ECM1: variants seen among roughly 807,000 people sequenced by gnomAD.
The protein encoded by ECM1 is secretory component p85.
In ECM1, 54 loss-of-function variants were observed where a neutral mutation model predicts 57.9. The ratio of observed to expected loss-of-function variants is 0.93; its 90% confidence interval spans 0.75 to 1.17. The LOEUF (loss-of-function observed/expected upper bound fraction) is 1.17. Among genes scored for constraint, ECM1 ranks in the 50% most tolerant of loss-of-function variants. The pLI is 0.00. For synonymous variants in ECM1, 237 were observed against 259.1 expected (o/e 0.91, Z 0.82); for missense variants, 649 against 688.1 (o/e 0.94, Z 0.64).
Position 150,513,717 on chromosome 1 carries a change from C to T in ECM1, c.*250C>T, listed in dbSNP as rs1348403002. The T allele has an allele frequency of 2.4e-5, 11 of 453,556 alleles. No homozygotes were observed. The highest frequency in any genetic ancestry group is 1.3e-4 in the South Asian group (5 of 39,408). The allele number at this position is 453,556 out of a possible 1,614,324, so 28.1% of individuals were successfully genotyped here. A position where few individuals can be genotyped will look rare whatever the true frequency, so the allele number is the denominator to read the frequency against. On this transcript the variant is annotated 3_prime_UTR_variant, in exon 10 of 10. Coordinates refer to ENST00000369047, the MANE Select transcript of ECM1 (RefSeq NM_004425.4). ...TTCAGTGCCTGGCCCCTGAGGCCCA[C>T]GGCCCTGCCCCCTTCACTGAGCAGA... is the stretch of plus-strand genomic sequence containing the variant.
At chr1:150,513,117 G>T in intron 9 of ECM1, 120 bp from the exon 10 acceptor site, 1 of 1,074,462 alleles carries the variant, frequency 9.3e-7, no homozygotes, top group Non-Finnish European at 1.4e-6. Context: ...GCCCCAGGAG[G>T]GGAACGAGGG....
chr1:150,508,278 A>T lies in ECM1; in HGVS notation c.69A>T (p.Gly23=), dbSNP rs1391426088. Residue 23 remains glycine (G), a splice_region_variant and synonymous_variant, in exon 1 of 10, where the codon GGA becomes GGT. Transcript: ENST00000369047. ...YLAVASAASE[G]GFTATGQRQL... ...CTGTTGCTTCTGCTGCCTCTGAGGGAGGTGAGTTGGGGGATCAGCACTTAG... is the reference window on the plus strand; with the variant it reads ...CTGTTGCTTCTGCTGCCTCTGAGGGTGGTGAGTTGGGGGATCAGCACTTAG... 3 of 1,613,658 alleles carry T rather than the reference A, an allele frequency of 1.9e-6. No individual in the cohort carries two copies. Among genetic ancestry groups the T allele is most frequent in the Non-Finnish European group, 2.5e-6 (3 of 1,179,960 alleles).
chr1:150,509,852 G>A, intron 3 of ECM1, 70 bp from the exon 4 acceptor site: 1 of 1,613,822 alleles, frequency 6.2e-7, no homozygotes, highest in Non-Finnish European at 8.5e-7. Context: ...GGAGGGAAGA[G>A]GCCCTCGCCC....
In ECM1 at chr1:150,511,178, C is replaced by G. The variant is rs757342064; in HGVS notation, c.688C>G (p.Leu230Val). 1.1e-5 allele frequency: 17 copies of G among 1,614,080 alleles called. No individual in the cohort carries two copies. The South Asian group carries it at 1.8e-4, about 17-fold the overall frequency. The change falls in exon 6 of 10, where the codon CTA becomes GTA. Residue 230 changes from leucine to valine, a missense_variant. Physicochemically the swap from Leu to Val is conservative, Grantham distance 32 (BLOSUM62 1). Coordinates refer to ENST00000369047, the MANE Select transcript of ECM1 (RefSeq NM_004425.4). The stretch of plus-strand genomic sequence containing the variant: ...CCACTGCCGCAGCCACACAAACCGC[C>G]TAGAGTGTGCCAAACTTGTGGTAAG... Reference protein sequence around the residue: ...CCHCRSHTNRLECAKLVWEEA... With the variant: ...CCHCRSHTNRVECAKLVWEEA...
chr1:150,513,555 AT>A lies in ECM1; in HGVS notation c.*91del. ...ACTCATTACACTAAACACCTCTTGG[AT>A]TTGGTGTCCTCATTGTCTATCTAAT... On this transcript the variant is annotated 3_prime_UTR_variant, in exon 10 of 10. Coordinates refer to ENST00000369047, the MANE Select transcript of ECM1 (RefSeq NM_004425.4). 2.4e-6 allele frequency: 3 copies of A among 1,224,530 alleles called. No individual in the cohort carries two copies. The highest frequency in any genetic ancestry group is 3.4e-6 in the Non-Finnish European group (3 of 880,814). The allele number at this position is 1,224,530 out of a possible 1,614,324, so 75.9% of individuals were successfully genotyped here.
In ECM1 at chr1:150,512,784, C is replaced by T. The variant is rs1334348514; in HGVS notation, c.1364C>T (p.Pro455Leu). ...GCCCGCTGCTGTGACCTGCCATTTCCAGAACAGGCCTGCTGTGCAGAGGAG... is the reference window on the plus strand; with the variant it reads ...GCCCGCTGCTGTGACCTGCCATTTCTAGAACAGGCCTGCTGTGCAGAGGAG... Reference protein sequence around the residue: ...MTARCCDLPFPEQACCAEEEK... With the variant: ...MTARCCDLPFLEQACCAEEEK... Residue 455 changes from proline (P) to leucine (L), a missense_variant, in exon 9 of 10, where the codon CCA (proline) becomes CTA (leucine). Pro to Leu is a moderately conservative substitution (Grantham distance 98). Transcript: ENST00000369047. 1 of 1,614,120 alleles carries T rather than the reference C, an allele frequency of 6.2e-7. No homozygotes were observed. Among genetic ancestry groups the T allele is most frequent in the Admixed American group, 1.7e-5 (1 of 60,018 alleles).
rs78751287 is a variant in ECM1 at position 150,512,700 on chromosome 1, C to T, written c.1305-25C>T. 2.6e-3 allele frequency: 4,134 copies of T among 1,613,636 alleles called. 94 individuals carry two copies. In the African/African-American group the frequency reaches 0.048, roughly 19 times the overall value. On this transcript the variant is annotated intron_variant, in intron 8 of 9. Transcript: ENST00000369047. ...CCAGAAGATGCCCAAAGACCCTAAC[C>T]CCTGCCCCTTTCACACCAACATAGT...
At chr1:150,512,146 G>A (rs912561898) in intron 7 of ECM1, among the ~76,000 whole-genome samples, 4 of 150,092 alleles carry the variant, frequency 2.7e-5, no homozygotes, top group African/African-American at 9.8e-5. Context: ...CACCAGCTTG[G>A]AACCTCATCC....
Position 150,510,965 on chromosome 1 carries a change from G to A in ECM1, c.475G>A (p.Gly159Ser), listed in dbSNP as rs759807520. 1 of 1,614,200 alleles carries A rather than the reference G, an allele frequency of 6.2e-7. No individual in the cohort carries two copies. Among genetic ancestry groups the A allele is most frequent in the East Asian group, 2.2e-5 (1 of 44,886 alleles). Residue 159 changes from glycine to serine, a missense_variant, in exon 6 of 10, where the codon GGC becomes AGC. Transcript: ENST00000369047. Reference protein sequence around the residue: ...QHCQQDRSQGGWGHRLDGFPP... With the variant: ...QHCQQDRSQGSWGHRLDGFPP... ...CTGCCAACAGGACCGGTCCCAAGGG[G>A]GCTGGGGCCACCGGCTGGATGGCTT...
In ECM1 at chr1:150,512,878, G is replaced by C. The variant is rs1339121257; in HGVS notation, c.1392+66G>C. 2.0e-6 allele frequency: 3 copies of C among 1,526,910 alleles called. No individual in the cohort carries two copies. In the African/African-American group the frequency reaches 4.1e-5, roughly 21 times the overall value. 94.6% of individuals were successfully genotyped at this position (1,526,910 alleles called of 1,614,324 possible). A position where few individuals can be genotyped will look rare whatever the true frequency, so the allele number is the denominator to read the frequency against. On this transcript the variant is annotated intron_variant, in intron 9 of 9. Transcript: ENST00000369047. The stretch of plus-strand genomic sequence containing the variant: ...GGGGAGGGAAAGAGCTAGAACTGCA[G>C]GCCACCCCTTCTCTTTAGTACCTCA...
In ECM1 at chr1:150,509,722, C is replaced by T. The variant is rs1426354026; in HGVS notation, c.183C>T (p.Asp61=). 6.2e-7 allele frequency: 1 copy of T among 1,605,378 alleles called. No individual in the cohort carries two copies. The highest frequency in any genetic ancestry group is 8.5e-7 in the Non-Finnish European group (1 of 1,174,282). The change falls in exon 3 of 10, where the codon GAC becomes GAT. Residue 61 remains aspartate, a synonymous_variant. Transcript: ENST00000369047. ...LSRSLPMDHP[D]SSQHGPPFEG... The stretch of plus-strand genomic sequence containing the variant: ...GAAGCCTCCCCATGGATCACCCTGA[C>T]TCCTCTCAGCATGGCCCTCCCTTTG...
intron 9 of ECM1, 46 bp downstream of exon 9, chr1:150,512,858 G>C: frequency 6.3e-7 from 1 of 1,595,772 alleles, no homozygotes; most frequent in African/African-American, 1.3e-5. Flanking sequence ...GGGGAGGGGA[G>C]GGAAAGAGCT....
chr1:150,512,863 A>C (rs758713602), intron 9 of ECM1, 51 bp downstream of exon 9: 1 of 1,591,228 alleles, frequency 6.3e-7, no homozygotes, highest in Non-Finnish European at 8.6e-7. Context: ...GGGGAGGGAA[A>C]GAGCTAGAAC....
In ECM1 at chr1:150,510,617, T is replaced by C. The variant is rs587748866; in HGVS notation, c.386-259T>C. On this transcript the variant is annotated intron_variant, in intron 5 of 9. Transcript: ENST00000369047. ...CCTCCTGCCTTAGTGCTCAGGACCC[T>C]GGGGAGAGGAGCAGGAAGCCCGAGC... 18 of 592,026 alleles carry C rather than the reference T, an allele frequency of 3.0e-5. No individual in the cohort carries two copies. The Admixed American group carries it at 4.0e-4, about 13-fold the overall frequency. 36.7% of individuals were successfully genotyped at this position (592,026 alleles called of 1,614,324 possible). A position where few individuals can be genotyped will look rare whatever the true frequency, so the allele number is the denominator to read the frequency against.
intron 9 of ECM1, 128 bp downstream of exon 9, chr1:150,512,940 G>GT: frequency 3.6e-6 from 4 of 1,112,652 alleles, no homozygotes; most frequent in East Asian, 2.4e-5. Context: ...TGGGGGAGGT[G>GT]TTTTTTTCTT....
At chr1:150,510,729 G>A (rs1352572868) in intron 5 of ECM1, 147 bp from the exon 6 acceptor site, 4 of 850,362 alleles carry the variant, frequency 4.7e-6, no homozygotes, top group Admixed American at 2.0e-5. Context: ...ATTTTAAAAG[G>A]AAGAGCCACA....
intron 8 of ECM1, 44 bp downstream of exon 8, chr1:150,512,616 C>T (rs1273260368): frequency 6.2e-7 from 1 of 1,613,224 alleles, no homozygotes; most frequent in Admixed American, 1.7e-5. Context: ...TTCCCGAAAA[C>T]TTCCTTTTGG....
At chr1:150,509,615 C>T (rs1310828451) in intron 2 of ECM1, 34 bp downstream of exon 2, 1 of 1,613,904 alleles carries the variant, frequency 6.2e-7, no homozygotes, top group Non-Finnish European at 8.5e-7. Context: ...GGGATTGGGA[C>T]TCCAGGAGGC....
chr1:150,511,362 G>T (rs752132264), intron 6 of ECM1, 95 bp from the exon 7 acceptor site: 6 of 1,608,358 alleles, frequency 3.7e-6, no homozygotes, highest in Non-Finnish European at 5.1e-6. Context: ...GACAACCACT[G>T]TCTCTTCTTT....
Sources: gnomAD v4.1 joint callset for allele counts (sites outside exome capture counted in the v4.1 genomes callset) on GRCh38, gnomAD v4.1.1 for gene constraint, MANE v1.5 for transcripts, NCBI Gene and HGNC (gene_info 2026-07-23, HGNC 2026-07-21) for gene names.